NIPBL: variants seen among roughly 807,000 people sequenced by gnomAD.
The protein encoded by NIPBL is nipped-B-like protein.
Under a neutral mutation model 321.8 loss-of-function variants are expected in NIPBL, and 19 were observed. That is an observed-to-expected ratio of 0.06 (90% CI 0.04 to 0.09). The LOEUF (loss-of-function observed/expected upper bound fraction) is 0.09, where lower values mean the gene tolerates loss of function less well. Among genes scored for constraint, NIPBL ranks in the 10% least tolerant of loss-of-function variants. The pLI is 1.00. For missense variants in NIPBL, 2,210 were observed against 3,327.0 expected (o/e 0.66, Z 8.26); for synonymous variants, 1,106 against 1,114.1 (o/e 0.99, Z 0.14).
At position 37,061,086 on chromosome 5, in the gene NIPBL, G is replaced by A. The variant is rs188001782; in HGVS notation, c.7860+68G>A. 4.4e-4 allele frequency: 510 copies of A among 1,148,724 alleles called. 3 individuals carry two copies. In the Admixed American group the frequency reaches 6.5e-3, roughly 15 times the overall value. 71.2% of individuals were successfully genotyped at this position (1,148,724 alleles called of 1,614,324 possible). A position where few individuals can be genotyped will look rare whatever the true frequency, so the allele number is the denominator to read the frequency against. On this transcript the variant is annotated intron_variant, in intron 45 of 46. Coordinates refer to ENST00000282516, the MANE Select transcript of NIPBL (RefSeq NM_133433.4). ...TTTTGACAAGTAAATGTGGGGGGCC[G>A]GTGGGGAGATAACTATCTCCTTCAC...
intron 6 of NIPBL, among the ~76,000 whole-genome samples, chr5:36,966,599 C>T (rs1742236043): frequency 6.6e-6 from 1 of 151,998 alleles, no homozygotes; most frequent in Non-Finnish European, 1.5e-5. Context: ...TGTAAATATA[C>T]AATTTCCCAT....
chr5:36,919,204 T>A (rs940963565), intron 1 of NIPBL, among the ~76,000 whole-genome samples: 11 of 152,102 alleles, frequency 7.2e-5, no homozygotes, highest in African/African-American at 2.7e-4. Context: ...TAAAAATTAT[T>A]CCCCCAAAAA....
intron 6 of NIPBL, among the ~76,000 whole-genome samples, chr5:36,963,421 G>A (rs774169986): frequency 3.9e-5 from 6 of 151,960 alleles, no homozygotes; most frequent in South Asian, 2.1e-4. Flanking sequence ...GCTAACTCTG[G>A]TTTCCCAAAA....
At chr5:36,994,758 C>T (rs1282030145) in intron 10 of NIPBL, among the ~76,000 whole-genome samples, 2 of 151,982 alleles carry the variant, frequency 1.3e-5, no homozygotes, top group African/African-American at 4.8e-5. Flanking sequence ...TTTAAACTAT[C>T]AGGAAGATAG....
At chr5:37,057,457 T>G (rs1754221506) in intron 43 of NIPBL, 125 bp downstream of exon 43, 1 of 980,468 alleles carries the variant, frequency 1.0e-6, no homozygotes, top group East Asian at 2.5e-5. Flanking sequence ...CTAAGTGAAC[T>G]TAATGAAATC....
rs770564143 is a variant in NIPBL at position 37,001,128 on chromosome 5, T to C, written c.3664+50T>C. On this transcript the variant is annotated intron_variant, in intron 14 of 46. Transcript: ENST00000282516. ...ACACATACTCTAAGTGTCTTAACTG[T>C]ATCCTCTAGAGTAACTCAGTTACTC... 2.4e-6 allele frequency: 3 copies of C among 1,231,860 alleles called. No individual in the cohort carries two copies. The African/African-American group carries it at 4.5e-5, about 18-fold the overall frequency. 76.3% of individuals were successfully genotyped at this position (1,231,860 alleles called of 1,614,324 possible).
chr5:36,980,480 T>C (rs759674183), intron 9 of NIPBL, among the ~76,000 whole-genome samples: 5 of 151,710 alleles, frequency 3.3e-5, no homozygotes, highest in Admixed American at 6.6e-5. Flanking sequence ...TTATATACAA[T>C]GGTGGTCCCA....
intron 6 of NIPBL, among the ~76,000 whole-genome samples, chr5:36,968,097 AAAAAAAAAAAAAAAC>A (rs1299582978): frequency 7.1e-6 from 1 of 140,510 alleles, no homozygotes; most frequent in African/African-American, 2.7e-5. Flanking sequence ...CTCTGTCTCA[AAAAAAAAAAAAAAAC>A]AAAAAACAAA....
At chr5:37,038,783 A>C (rs766524278) in intron 34 of NIPBL, 45 bp downstream of exon 34, 1 of 1,593,976 alleles carries the variant, frequency 6.3e-7, no homozygotes, top group Non-Finnish European at 8.6e-7. Context: ...ATAAAACATT[A>C]AGTGCTTTAA....
intron 32 of NIPBL, 24 bp downstream of exon 32, chr5:37,027,436 T>A (rs752645440): frequency 6.3e-7 from 1 of 1,591,842 alleles, no homozygotes; most frequent in Non-Finnish European, 8.6e-7. Flanking sequence ...TGACTCCTGA[T>A]AACCTAAAAT....
chr5:36,989,692 G>A (rs1745259173), intron 10 of NIPBL, among the ~76,000 whole-genome samples: 2 of 151,840 alleles, frequency 1.3e-5, no homozygotes, highest in Non-Finnish European at 2.9e-5. Context: ...ACAAAAATTA[G>A]TTAGGCACTG....
intron 1 of NIPBL, among the ~76,000 whole-genome samples, chr5:36,933,475 CA>C (rs1749933656): frequency 6.6e-6 from 1 of 151,980 alleles, no homozygotes; most frequent in Non-Finnish European, 1.5e-5. Context: ...GTTCTAGAGA[CA>C]TTTTTTATTT....
Position 37,020,548 on chromosome 5 carries a change from A to G in NIPBL, c.5100A>G (p.Ser1700=), listed in dbSNP as rs1295213842. 1.2e-6 allele frequency: 2 copies of G among 1,614,052 alleles called. No homozygotes were observed. Among genetic ancestry groups the G allele is most frequent in the Admixed American group, 3.3e-5 (2 of 60,026 alleles). Residue 1700 remains serine, a synonymous_variant, in exon 26 of 47, where the codon TCA becomes TCG. Transcript: ENST00000282516. Reference sequence around the variant, plus strand: ...TGAAATCACAAAAAGATGAAGAATCATCTGAAGGAACACATCATGCAAAGG... The same window carrying G: ...TGAAATCACAAAAAGATGAAGAATCGTCTGAAGGAACACATCATGCAAAGG... ...KAMKSQKDEE[S]SEGTHHAKEI... is the part of the protein sequence containing the mutation.
chr5:37,062,451 A>G (rs1754829168), intron 45 of NIPBL, among the ~76,000 whole-genome samples: 1 of 152,128 alleles, frequency 6.6e-6, no homozygotes, highest in African/African-American at 2.4e-5. Flanking sequence ...TGCTTTAAAA[A>G]TAGAGACAGA....
chr5:36,981,005 A>G (rs547599486), intron 9 of NIPBL, among the ~76,000 whole-genome samples: 1 of 151,852 alleles, frequency 6.6e-6, no homozygotes, highest in Non-Finnish European at 1.5e-5. Context: ...AGAGCCCTTA[A>G]GAGATGAAAT....
intron 4 of NIPBL, 40 bp downstream of exon 4, chr5:36,958,271 T>G (rs1309228499): frequency 6.2e-7 from 1 of 1,600,584 alleles, no homozygotes; most frequent in South Asian, 1.1e-5. Flanking sequence ...TCAAACTTGT[T>G]TTATACATAT....
intron 3 of NIPBL, among the ~76,000 whole-genome samples, chr5:36,956,120 A>C (rs1167841987): frequency 1.3e-5 from 2 of 151,610 alleles, no homozygotes; most frequent in Non-Finnish European, 2.9e-5. Flanking sequence ...AGTCCCAGCT[A>C]CTCGGGAGGC....
intron 9 of NIPBL, among the ~76,000 whole-genome samples, chr5:36,982,889 A>G (rs552729048): frequency 2.6e-4 from 40 of 152,022 alleles, no homozygotes; most frequent in South Asian, 1.2e-3. Flanking sequence ...TGATTAGTCT[A>G]CCATTTTAAT....
At chr5:36,980,123 C>G (rs1009358994) in intron 9 of NIPBL, among the ~76,000 whole-genome samples, 1 of 151,596 alleles carries the variant, frequency 6.6e-6, no homozygotes, top group Non-Finnish European at 1.5e-5. Flanking sequence ...TATTAGCAAA[C>G]TTATTTTATA....
Sources: allele counts gnomAD v4.1 joint callset (sites outside exome capture counted in the v4.1 genomes callset), GRCh38; gene constraint gnomAD v4.1.1; transcripts MANE v1.5; gene names NCBI Gene and HGNC (gene_info 2026-07-23, HGNC 2026-07-21).